Variants in MALRD1 observed in about 807,000 individuals in gnomAD.
MALRD1 encodes MAM and LDL-receptor class A domain-containing protein 1.
A neutral mutation model predicts 242.1 loss-of-function variants in MALRD1; 247 were observed. The observed-to-expected ratio is 1.02, with a 90% confidence interval of 0.92 to 1.13. MALRD1 has a LOEUF of 1.13. Among genes scored for constraint, MALRD1 ranks in the 50% most tolerant of loss-of-function variants. The pLI, the probability that MALRD1 is intolerant of heterozygous loss-of-function variation, is 0.00. For missense variants in MALRD1, 2,989 were observed against 2,533.1 expected, an observed-to-expected ratio of 1.18 and a Z score of -3.86; for synonymous variants, 995 against 866.6, an observed-to-expected ratio of 1.15 and a Z score of -2.60.
At chr10:19,552,145 TG>T (rs1564434854) in intron 32 of MALRD1, among the ~76,000 whole-genome samples, 1 of 152,092 alleles carries the variant, frequency 6.6e-6, no homozygotes, top group African/African-American at 2.4e-5. Context: ...TCAATTTTTT[TG>T]TATAGTTTCT....
chr10:19,384,944 A>G (rs999771106), intron 26 of MALRD1, among the ~76,000 whole-genome samples: 1 of 151,416 alleles, frequency 6.6e-6, no homozygotes, highest in Non-Finnish European at 1.5e-5. Context: ...AATTCCTTCT[A>G]TGTATAGTTT....
At chr10:19,423,847 G>T (rs190871792) in intron 28 of MALRD1, among the ~76,000 whole-genome samples, 1 of 152,120 alleles carries the variant, frequency 6.6e-6, no homozygotes, top group African/African-American at 2.4e-5. Context: ...ATCTGCATAC[G>T]GGCGGCCATC....
chr10:19,496,569 G>T lies in MALRD1; in HGVS notation c.5159-1916G>T, dbSNP rs1347354056. On this transcript the variant is annotated intron_variant, in intron 30 of 39. Transcript: ENST00000454679. ...ACACAGCTAAGACACTGTTAAGAGG[G>T]AAATTTATAGCACCAAATGCCCACA... 1.3e-5 allele frequency among the ~76,000 whole-genome samples: 2 copies of T among 152,142 alleles called. 1 individual carries two copies. The highest frequency in any genetic ancestry group is 3.9e-4 in the East Asian group (2 of 5,178).
chr10:19,612,977 A>T (rs1838969271), intron 35 of MALRD1, among the ~76,000 whole-genome samples: 1 of 151,972 alleles, frequency 6.6e-6, no homozygotes, highest in South Asian at 2.1e-4. Context: ...CTACTCTCTC[A>T]TGCCACCCTT....
chr10:19,195,931 G>C (rs1836220923), intron 14 of MALRD1, among the ~76,000 whole-genome samples: 1 of 151,878 alleles, frequency 6.6e-6, no homozygotes, highest in African/African-American at 2.4e-5. Context: ...TTTGACATCT[G>C]TCTTCCACTT....
At chr10:19,095,033 A>G (rs1161460193) in intron 4 of MALRD1, among the ~76,000 whole-genome samples, 1 of 152,150 alleles carries the variant, frequency 6.6e-6, no homozygotes, top group Admixed American at 6.5e-5. Context: ...AATTTAACCC[A>G]AGTTGGTTTT....
At chr10:19,461,102 A>G (rs752277821) in intron 29 of MALRD1, among the ~76,000 whole-genome samples, 1 of 152,192 alleles carries the variant, frequency 6.6e-6, no homozygotes, top group Non-Finnish European at 1.5e-5. Flanking sequence ...GACAATCAAG[A>G]CAATGGAAGG....
chr10:19,440,329 A>G (rs111467058), intron 28 of MALRD1, among the ~76,000 whole-genome samples: 3,903 of 152,046 alleles, frequency 0.026, 168 homozygotes, highest in African/African-American at 0.088. Flanking sequence ...GTTTTTATCT[A>G]TAGCTTAAAA....
At chr10:19,292,080 CAAA>C (rs756211363) in intron 21 of MALRD1, among the ~76,000 whole-genome samples, 8 of 88,004 alleles carry the variant, frequency 9.1e-5, no homozygotes, top group Admixed American at 2.7e-4. Flanking sequence ...AAGACCGTCT[CAAA>C]AAAAAAAAAA....
rs188327407 is a variant in MALRD1, at chr10:19,360,674, G to A, written c.4441+8377G>A. Among the ~76,000 whole-genome samples the A allele has an allele frequency of 1.6e-3, 239 of 152,088 alleles. 2 individuals carry two copies. The Middle Eastern group carries it at 0.017, about 11-fold the overall frequency. ...CTAATATTTTTAATATACTTAAATTGCTTTTGAATATAACAACACATAGTA... is the reference window on the plus strand; with the variant it reads ...CTAATATTTTTAATATACTTAAATTACTTTTGAATATAACAACACATAGTA... On this transcript the variant is annotated intron_variant, in intron 26 of 39. Coordinates refer to ENST00000454679, the MANE Select transcript of MALRD1 (RefSeq NM_001142308.3).
intron 36 of MALRD1, among the ~76,000 whole-genome samples, chr10:19,632,513 T>G (rs752965850): frequency 1.3e-5 from 2 of 152,140 alleles, no homozygotes; most frequent in Non-Finnish European, 2.9e-5. Context: ...GTTATAAAGA[T>G]CATTCAGTTT....
At chr10:19,595,904 A>G (rs577854082) in intron 34 of MALRD1, among the ~76,000 whole-genome samples, 1 of 152,294 alleles carries the variant, frequency 6.6e-6, no homozygotes, top group East Asian at 1.9e-4. Flanking sequence ...TAAGGATTGG[A>G]TCTGGATAAT....
intron 2 of MALRD1, among the ~76,000 whole-genome samples, chr10:19,085,283 T>A (rs1488967651): frequency 6.6e-6 from 1 of 151,948 alleles, no homozygotes; most frequent in Non-Finnish European, 1.5e-5. Flanking sequence ...AAATGTTCTC[T>A]GGAAAGCCAG....
At chr10:19,636,939 A>T (rs372650800) in intron 36 of MALRD1, among the ~76,000 whole-genome samples, 1 of 151,416 alleles carries the variant, frequency 6.6e-6, no homozygotes, top group Non-Finnish European at 1.5e-5. Context: ...TTTAAAAAAT[A>T]TGACATTACT....
intron 36 of MALRD1, among the ~76,000 whole-genome samples, chr10:19,676,237 A>G (rs1448484197): frequency 6.6e-6 from 1 of 152,206 alleles, no homozygotes; most frequent in African/African-American, 2.4e-5. Context: ...GGAAAGTAGT[A>G]AAGGTTTTGA....
intron 28 of MALRD1, among the ~76,000 whole-genome samples, chr10:19,439,646 A>C (rs745408804): frequency 2.0e-5 from 3 of 152,210 alleles, no homozygotes; most frequent in African/African-American, 7.2e-5. Flanking sequence ...CTATACAACT[A>C]TACTAATTAG....
intron 38 of MALRD1, among the ~76,000 whole-genome samples, chr10:19,726,845 A>T (rs1835049174): frequency 6.6e-6 from 1 of 152,216 alleles, no homozygotes. Context: ...TAAGCCAAAC[A>T]CAAAAGGACA....
intron 28 of MALRD1, among the ~76,000 whole-genome samples, chr10:19,446,443 TA>T (rs1022289309): frequency 2.6e-5 from 4 of 152,196 alleles, no homozygotes; most frequent in East Asian, 1.9e-4. Flanking sequence ...TTAAATGGTT[TA>T]AAAAAATGGC....
intron 33 of MALRD1, among the ~76,000 whole-genome samples, chr10:19,584,368 A>G (rs1179474718): frequency 1.3e-5 from 2 of 152,130 alleles, no homozygotes; most frequent in African/African-American, 2.4e-5. Flanking sequence ...ATTTAGTGCT[A>G]TAAATTTCCC....
Sources: gnomAD v4.1 joint callset for allele counts (sites outside exome capture counted in the v4.1 genomes callset) on GRCh38, gnomAD v4.1.1 for gene constraint, MANE v1.5 for transcripts, NCBI Gene and HGNC (gene_info 2026-07-23, HGNC 2026-07-21) for gene names.